The following EMC1 variants were observed in gnomAD, a reference collection of about 807,000 sequenced individuals.
The protein encoded by EMC1 is KIAA0090.
EMC1 carries 103 observed loss-of-function variants against 128.8 expected under a neutral mutation model. That is an observed-to-expected ratio of 0.80 (90% CI 0.68 to 0.94). The LOEUF (loss-of-function observed/expected upper bound fraction) is 0.94, where lower values mean the gene tolerates loss of function less well. Ranked by LOEUF, EMC1 falls within the 40% of genes least tolerant of loss-of-function variation. EMC1 has a pLI of 0.00. For missense variants in EMC1, 1,083 were observed against 1,250.6 expected (o/e 0.87, Z 2.02); for synonymous variants, 442 against 490.4 (o/e 0.90, Z 1.30).
At chr1:19,226,143 G>A (rs2093471381) in intron 18 of EMC1, among the ~76,000 whole-genome samples, 2 of 152,060 alleles carry the variant, frequency 1.3e-5, no homozygotes, top group Non-Finnish European at 1.5e-5. Flanking sequence ...TGTACCAGAG[G>A]GTGTAATTAA....
chr1:19,236,383 A>C (rs893829945), intron 12 of EMC1, among the ~76,000 whole-genome samples: 1 of 151,912 alleles, frequency 6.6e-6, no homozygotes, highest in African/African-American at 2.4e-5. Flanking sequence ...AGAGCCAGGC[A>C]CGGTGGCTCA....
rs1487162679 is a variant in EMC1, at chr1:19,218,229, G to C, written c.*1074C>G. 3 of 152,146 alleles carry C rather than the reference G, an allele frequency of 2.0e-5. No homozygotes were observed. The highest frequency in any genetic ancestry group is 7.2e-5 in the African/African-American group (3 of 41,410). The allele number at this position is 152,146 out of a possible 1,614,324, so 9.4% of individuals were successfully genotyped here. On this transcript the variant is annotated 3_prime_UTR_variant, in exon 23 of 23. Transcript: ENST00000477853. ...ACTCTATGACCAAGGAAAACTTTTA[G>C]GATTTCTTTAATTTGTAGCAGAGAC...
At chr1:19,240,233 T>G in intron 7 of EMC1, 64 bp downstream of exon 7, 1 of 1,598,194 alleles carries the variant, frequency 6.3e-7, no homozygotes, top group Non-Finnish European at 8.6e-7. Flanking sequence ...AGGGGAATCA[T>G]GCCAAACTTT....
At chr1:19,240,835 T>A in intron 6 of EMC1, 181 bp downstream of exon 6, 1 of 681,328 alleles carries the variant, frequency 1.5e-6, no homozygotes, top group East Asian at 2.6e-5. Context: ...AGATAACACA[T>A]GCAAATATGA....
At chr1:19,232,518 G>A (rs1245919143) in intron 15 of EMC1, 106 bp downstream of exon 15, 2 of 1,268,028 alleles carry the variant, frequency 1.6e-6, no homozygotes, top group African/African-American at 3.0e-5. Flanking sequence ...ACCCCTGAAT[G>A]TTCCTCATTA....
At chr1:19,231,985 G>C (rs2093526296) in intron 15 of EMC1, among the ~76,000 whole-genome samples, 1 of 152,206 alleles carries the variant, frequency 6.6e-6, no homozygotes, top group Non-Finnish European at 1.5e-5. Flanking sequence ...AACCTGGCCG[G>C]GCGTGGTGGC....
At chr1:19,230,089 A>G (rs868586783) in intron 17 of EMC1, among the ~76,000 whole-genome samples, 16 of 152,326 alleles carry the variant, frequency 1.1e-4, no homozygotes, top group Middle Eastern at 6.8e-3. Context: ...ACTGTTTACA[A>G]GAGTTGGTCT....
At position 19,223,561 on chromosome 1, in the gene EMC1, G is replaced by T; in HGVS notation, c.2211C>A (p.Asn737Lys). The change falls in exon 19 of 23, where the codon AAC (asparagine) becomes AAA (lysine). Residue 737 changes from asparagine to lysine, a missense_variant. Transcript: ENST00000477853. Reference sequence around the variant, plus strand: ...CTGTCACCACGGCCAGCAGGTTGGGGTTCAGGCTCTGGAGAGAGAGAGAAA... The same window carrying T: ...CTGTCACCACGGCCAGCAGGTTGGGTTTCAGGCTCTGGAGAGAGAGAGAAA... Reference protein sequence around the residue: ...GDRSVLYKSLNPNLLAVVTES... With the variant: ...GDRSVLYKSLKPNLLAVVTES... 1 of 1,613,900 alleles carries T rather than the reference G, an allele frequency of 6.2e-7. No individual in the cohort carries two copies. The highest frequency in any genetic ancestry group is 8.5e-7 in the Non-Finnish European group (1 of 1,180,022).
intron 18 of EMC1, 112 bp from the exon 19 acceptor site, chr1:19,223,681 T>C: frequency 1.0e-6 from 1 of 990,584 alleles, no homozygotes; most frequent in Non-Finnish European, 1.5e-6. Flanking sequence ...AATCAGGGTT[T>C]CTGGTGAAAA....
chr1:19,239,405 A>G, intron 8 of EMC1, 103 bp from the exon 9 acceptor site: 1 of 976,098 alleles, frequency 1.0e-6, no homozygotes, highest in Non-Finnish European at 1.6e-6. Flanking sequence ...TTAGAGTTGA[A>G]AGTGCTCCCC....
rs561634736 is a variant in EMC1 at position 19,244,186 on chromosome 1, G to A, written c.221-171C>T. ...CAGTCCCATTCACGGGGTAATGAGGGTAGAAGGGGTTAAGAGGGGCCACTA... is the reference window on the plus strand; with the variant it reads ...CAGTCCCATTCACGGGGTAATGAGGATAGAAGGGGTTAAGAGGGGCCACTA... On this transcript the variant is annotated intron_variant, in intron 2 of 22. Coordinates refer to ENST00000477853, the MANE Select transcript of EMC1 (RefSeq NM_015047.3). Among the ~76,000 whole-genome samples, 8 of 152,258 alleles carry A rather than the reference G, an allele frequency of 5.3e-5. No homozygotes were observed. The South Asian group carries it at 8.3e-4, about 16-fold the overall frequency.
At chr1:19,225,357 AAAT>A (rs1255758932) in intron 18 of EMC1, among the ~76,000 whole-genome samples, 13 of 152,192 alleles carry the variant, frequency 8.5e-5, no homozygotes, top group African/African-American at 2.4e-4. Flanking sequence ...TCTCTAAAGA[AAAT>A]AAAATAAGTG....
chr1:19,251,371 G>A, intron 1 of EMC1, 44 bp downstream of exon 1: 3 of 1,550,648 alleles, frequency 1.9e-6, no homozygotes, highest in Non-Finnish European at 2.7e-6. Context: ...CAGGTACTGG[G>A]GAAACAGCCA....
intron 20 of EMC1, 48 bp downstream of exon 20, chr1:19,222,576 G>C: frequency 6.5e-7 from 1 of 1,536,796 alleles, no homozygotes; most frequent in Non-Finnish European, 9.0e-7. Flanking sequence ...CCTTAAGTGT[G>C]GTTGCCCAAG....
Position 19,219,385 on chromosome 1 carries a change from C to G in EMC1, c.2900G>C (p.Ser967Thr), listed in dbSNP as rs751463146. Reference protein sequence around the residue: ...KDDYDYVLISSVLFGLVFATM... With the variant: ...KDDYDYVLISTVLFGLVFATM... The stretch of plus-strand genomic sequence containing the variant: ...GGCAAAAACCAGGCCAAAGAGGACG[C>G]TGCTGATTAACACGTAGTCATAGTC... Residue 967 changes from serine (S) to threonine (T), a missense_variant, in exon 23 of 23, where the codon AGC (serine) becomes ACC (threonine). Coordinates refer to ENST00000477853, the MANE Select transcript of EMC1 (RefSeq NM_015047.3). The G allele has an allele frequency of 4.2e-5, 68 of 1,613,950 alleles. No homozygotes were observed. The highest frequency in any genetic ancestry group is 5.5e-5 in the Non-Finnish European group (65 of 1,180,022).
chr1:19,241,853 AG>A (rs1394231366), intron 5 of EMC1, among the ~76,000 whole-genome samples: 1 of 152,204 alleles, frequency 6.6e-6, no homozygotes, highest in Non-Finnish European at 1.5e-5. Context: ...AAATGGCCAC[AG>A]GGTGTCTAAG....
intron 17 of EMC1, among the ~76,000 whole-genome samples, chr1:19,227,692 C>T (rs1044978879): frequency 4.4e-4 from 67 of 152,180 alleles, no homozygotes; most frequent in African/African-American, 1.6e-3. Context: ...CATGGCCAAA[C>T]CCCATCTCTA....
chr1:19,218,520 T>C lies in EMC1; in HGVS notation c.*783A>G, dbSNP rs2093408299. ...AGAGATTATCTCTTCTCCCTGGAAA[T>C]GTCTTCAAGGCTCAGACAATTCAGT... On this transcript the variant is annotated 3_prime_UTR_variant, in exon 23 of 23. Coordinates refer to ENST00000477853, the MANE Select transcript of EMC1 (RefSeq NM_015047.3). The C allele has an allele frequency of 6.6e-6, 1 of 152,214 alleles. No homozygotes were observed. The highest frequency in any genetic ancestry group is 6.5e-5 in the Admixed American group (1 of 15,284). 9.4% of individuals were successfully genotyped at this position (152,214 alleles called of 1,614,324 possible).
At chr1:19,233,178 G>C in intron 13 of EMC1, 43 bp from the exon 14 acceptor site, 4 of 1,534,236 alleles carry the variant, frequency 2.6e-6, no homozygotes, top group Non-Finnish European at 3.6e-6. Context: ...CAGACTAGGG[G>C]TCCATAAGGA....
Sources: allele counts gnomAD v4.1 joint callset (sites outside exome capture counted in the v4.1 genomes callset), GRCh38; gene constraint gnomAD v4.1.1; transcripts MANE v1.5; gene names NCBI Gene and HGNC (gene_info 2026-07-23, HGNC 2026-07-21).